AUH: variants seen among roughly 807,000 people sequenced by gnomAD.
AUH encodes the protein AU RNA binding methylglutaconyl-CoA hydratase, also known as methylglutaconyl-CoA hydratase, mitochondrial.
AUH carries 29 observed loss-of-function variants against 42.3 expected under a neutral mutation model. That is an observed-to-expected ratio of 0.69 (90% CI 0.51 to 0.93). The LOEUF (loss-of-function observed/expected upper bound fraction) is 0.93, where lower values mean the gene tolerates loss of function less well. Among genes scored for constraint, AUH ranks in the 40% least tolerant of loss-of-function variants. The pLI, the probability that AUH is intolerant of heterozygous loss-of-function variation, is 0.00. For missense variants in AUH, 452 were observed against 438.1 expected, an observed-to-expected ratio of 1.03 and a Z score of -0.28; for synonymous variants, 174 against 166.4, an observed-to-expected ratio of 1.05 and a Z score of -0.35.
At chr9:91,218,491 A>T in intron 7 of AUH, 1 of 432,516 alleles carries the variant, frequency 2.3e-6, no homozygotes, top group Non-Finnish European at 3.1e-6. Flanking sequence ...CCTCCTTGTT[A>T]AAATGCAGAT....
chr9:91,217,690 T>C (rs904665954), intron 7 of AUH, among the ~76,000 whole-genome samples: 2 of 152,024 alleles, frequency 1.3e-5, no homozygotes, highest in Non-Finnish European at 2.9e-5. Context: ...CAATTAGGGG[T>C]TTTGAAAGAA....
intron 6 of AUH, among the ~76,000 whole-genome samples, chr9:91,228,377 T>G (rs1161988569): frequency 2.0e-5 from 3 of 150,700 alleles, no homozygotes; most frequent in Non-Finnish European, 3.0e-5. Flanking sequence ...GTAGTTTGTA[T>G]TTCTGTGGGA....
intron 4 of AUH, among the ~76,000 whole-genome samples, chr9:91,312,148 T>C (rs1210485698): frequency 6.6e-6 from 1 of 152,214 alleles, no homozygotes; most frequent in Non-Finnish European, 1.5e-5. Flanking sequence ...CTTTCTGATC[T>C]CTATTTTAAT....
rs114735638 is a variant in AUH, at chr9:91,331,890, C to A, written c.419-6486G>T. On this transcript the variant is annotated intron_variant, in intron 3 of 9. Coordinates refer to ENST00000375731, the MANE Select transcript of AUH (RefSeq NM_001698.3). ...ACCATATGTCAATAAAGCTCTTCAA[C>A]AGCCAAAAACGTCCCTCAAATTCCA... 3.7e-3 allele frequency among the ~76,000 whole-genome samples: 569 copies of A among 152,344 alleles called. 6 individuals carry two copies. Among genetic ancestry groups the A allele is most frequent in the African/African-American group, 0.013 (544 of 41,574 alleles).
intron 8 of AUH, 55 bp from the exon 9 acceptor site, chr9:91,216,161 T>C (rs1474198547): frequency 6.6e-6 from 10 of 1,512,302 alleles, no homozygotes; most frequent in African/African-American, 2.8e-5. Flanking sequence ...AAATGTGGTA[T>C]ATTCAACAGA....
At chr9:91,348,740 T>A (rs544909547) in intron 3 of AUH, among the ~76,000 whole-genome samples, 1 of 152,260 alleles carries the variant, frequency 6.6e-6, no homozygotes, top group Admixed American at 6.5e-5. Context: ...CTTTCAGAGA[T>A]CAGGGCAAGG....
At chr9:91,304,548 T>A (rs1828063024) in intron 4 of AUH, among the ~76,000 whole-genome samples, 1 of 152,120 alleles carries the variant, frequency 6.6e-6, no homozygotes, top group South Asian at 2.1e-4. Flanking sequence ...CTTCCTTAAC[T>A]CTTAACAGCA....
chr9:91,220,723 A>C (rs1199943138), intron 7 of AUH, 82 bp downstream of exon 7: 6 of 1,493,498 alleles, frequency 4.0e-6, no homozygotes, highest in Non-Finnish European at 5.5e-6. Flanking sequence ...CTTCTTCCAT[A>C]GGCAAGATGA....
rs1377233066 is a variant in AUH, at chr9:91,217,197, G to A, written c.894+80C>T. The A allele has an allele frequency of 6.4e-6, 9 of 1,415,160 alleles. No individual in the cohort carries two copies. In the Admixed American group the frequency reaches 7.3e-5, roughly 11 times the overall value. 87.7% of individuals were successfully genotyped at this position (1,415,160 alleles called of 1,614,324 possible). ...CATATTTTAGAACTTTAAAAAAAATGTAGAAGTCTAAACATGGTTCATTTA... is the reference window on the plus strand; with the variant it reads ...CATATTTTAGAACTTTAAAAAAAATATAGAAGTCTAAACATGGTTCATTTA... On this transcript the variant is annotated intron_variant, in intron 8 of 9. Transcript: ENST00000375731.
At chr9:91,219,955 G>A (rs1564005202) in intron 7 of AUH, among the ~76,000 whole-genome samples, 1 of 152,212 alleles carries the variant, frequency 6.6e-6, no homozygotes, top group East Asian at 1.9e-4. Context: ...GCAACCCTGA[G>A]TTAGAGAGAA....
intron 6 of AUH, among the ~76,000 whole-genome samples, chr9:91,222,455 G>A (rs1297705846): frequency 2.6e-5 from 4 of 152,178 alleles, no homozygotes; most frequent in South Asian, 2.1e-4. Context: ...TAATGCTACC[G>A]CAAAATGCAG....
rs995364237 is a variant in AUH at position 91,307,432 on chromosome 9, G to A, written c.506-9356C>T. 1.1e-4 allele frequency among the ~76,000 whole-genome samples: 17 copies of A among 152,048 alleles called. No individual in the cohort carries two copies. The East Asian group carries it at 2.7e-3, about 24-fold the overall frequency. On this transcript the variant is annotated intron_variant, in intron 4 of 9. Transcript: ENST00000375731. ...ATTATAGTAGTCTCCCCTTACGTGC[G>A]GTTTCACTTTTTGAGGTTTCAGTTA...
intron 6 of AUH, chr9:91,294,649 G>A (rs1195042450): frequency 2.2e-6 from 1 of 453,624 alleles, no homozygotes; most frequent in Non-Finnish European, 4.4e-6. Flanking sequence ...AAACCTTCTG[G>A]AAAGGATCTG....
intron 4 of AUH, among the ~76,000 whole-genome samples, chr9:91,314,409 G>A (rs529702176): frequency 4.0e-5 from 6 of 151,218 alleles, no homozygotes; most frequent in South Asian, 2.1e-4. Flanking sequence ...CTTGAGCCCC[G>A]GAGGTCGAGG....
chr9:91,359,366 A>G (rs1832679273), intron 1 of AUH, among the ~76,000 whole-genome samples: 1 of 152,244 alleles, frequency 6.6e-6, no homozygotes, highest in Admixed American at 6.5e-5. Context: ...ACATACAGAA[A>G]TAGAGTTGTA....
intron 4 of AUH, among the ~76,000 whole-genome samples, chr9:91,319,939 T>C (rs1363004592): frequency 6.6e-6 from 1 of 152,208 alleles, no homozygotes; most frequent in African/African-American, 2.4e-5. Context: ...CTTTCACTCC[T>C]GCTCTAAAAC....
intron 3 of AUH, among the ~76,000 whole-genome samples, chr9:91,352,877 A>G (rs1007932008): frequency 2.0e-5 from 3 of 152,220 alleles, no homozygotes; most frequent in Admixed American, 6.5e-5. Context: ...TTCTCAAAGA[A>G]TAAGAGGAGT....
At chr9:91,281,802 AC>A (rs1825984183) in intron 6 of AUH, among the ~76,000 whole-genome samples, 1 of 151,872 alleles carries the variant, frequency 6.6e-6, no homozygotes, top group African/African-American at 2.4e-5. Flanking sequence ...CACTACTTTC[AC>A]CATTCCCATC....
intron 6 of AUH, among the ~76,000 whole-genome samples, chr9:91,224,215 G>A (rs567470584): frequency 1.1e-4 from 16 of 152,272 alleles, no homozygotes; most frequent in South Asian, 8.3e-4. Context: ...CATGCTGAGC[G>A]CCTAAGTTTT....
Sources: gnomAD v4.1 joint callset for allele counts (sites outside exome capture counted in the v4.1 genomes callset) on GRCh38, gnomAD v4.1.1 for gene constraint, MANE v1.5 for transcripts, NCBI Gene and HGNC (gene_info 2026-07-23, HGNC 2026-07-21) for gene names.